The following SYNDIG1L variants were observed in gnomAD, a reference collection of about 807,000 sequenced individuals.
The protein encoded by SYNDIG1L is synapse differentiation-inducing gene protein 1-like.
A neutral mutation model predicts 20.1 loss-of-function variants in SYNDIG1L; 13 were observed. That is an observed-to-expected ratio of 0.65 (90% CI 0.42 to 1.03). The LOEUF is 1.03. Among genes scored for constraint, SYNDIG1L ranks in the 50% least tolerant of loss-of-function variants. The pLI is 0.00. For synonymous variants in SYNDIG1L, 128 were observed against 129.3 expected (o/e 0.99, Z 0.07); for missense variants, 294 against 305.1 (o/e 0.96, Z 0.27).
At chr14:74,469,300 C>T in the SYNDIG1L span, among the ~76,000 whole-genome samples, 1 of 141,186 alleles carries the variant, frequency 7.1e-6, no homozygotes, top group Non-Finnish European at 1.5e-5. Context: ...TGTTCTCACT[C>T]ATAGGTGGGA....
the SYNDIG1L span, chr14:74,471,831 A>G: frequency 1.3e-5 from 2 of 152,266 alleles, no homozygotes; most frequent in Admixed American, 1.3e-4. Flanking sequence ...CAAAACTTCA[A>G]TTCATACAGG....
the SYNDIG1L span, among the ~76,000 whole-genome samples, chr14:74,468,423 C>T: frequency 2.0e-5 from 3 of 151,918 alleles, no homozygotes; most frequent in African/African-American, 4.8e-5. Context: ...GGGCCTCTGT[C>T]TCTCCCTCAT....
intron 1 of SYNDIG1L, among the ~76,000 whole-genome samples, chr14:74,423,259 C>T (rs961286356): frequency 2.0e-5 from 3 of 152,202 alleles, no homozygotes; most frequent in African/African-American, 7.2e-5. Flanking sequence ...GCCCTGCACC[C>T]TGACAGCTCT....
chr14:74,448,837 G>C, the SYNDIG1L span, among the ~76,000 whole-genome samples: 2 of 152,180 alleles, frequency 1.3e-5, no homozygotes, highest in Non-Finnish European at 2.9e-5. Flanking sequence ...GAGAGGCTGA[G>C]GCAGGAGGAT....
At chr14:74,425,405 G>A (rs1488697196) in intron 1 of SYNDIG1L, among the ~76,000 whole-genome samples, 1 of 152,238 alleles carries the variant, frequency 6.6e-6, no homozygotes, top group Non-Finnish European at 1.5e-5. Flanking sequence ...TCCATCCTAA[G>A]GGGCCTTGGC....
the SYNDIG1L span, among the ~76,000 whole-genome samples, chr14:74,440,983 A>T: frequency 6.6e-6 from 1 of 152,192 alleles, no homozygotes; most frequent in South Asian, 2.1e-4. Flanking sequence ...TTTTATCTGT[A>T]AAGTGGGACT....
chr14:74,431,467 T>G, the SYNDIG1L span, among the ~76,000 whole-genome samples: 1 of 151,818 alleles, frequency 6.6e-6, no homozygotes, highest in Admixed American at 6.6e-5. Flanking sequence ...TGAAAAAGAG[T>G]CCATTTTGAC....
chr14:74,437,414 A>C, the SYNDIG1L span, among the ~76,000 whole-genome samples: 196 of 152,370 alleles, frequency 1.3e-3, 1 homozygote, highest in African/African-American at 4.1e-3. Flanking sequence ...GAAGAAGTCC[A>C]GCAGAAACTT....
the SYNDIG1L span, chr14:74,479,846 T>C: frequency 2.0e-5 from 9 of 455,010 alleles, no homozygotes; most frequent in Admixed American, 4.3e-4. Flanking sequence ...AGTCATGTCT[T>C]CAGTGCACTC....
upstream of SYNDIG1L, among the ~76,000 whole-genome samples, chr14:74,428,880 G>A (rs1308899530): frequency 1.3e-5 from 2 of 152,064 alleles, no homozygotes; most frequent in African/African-American, 4.8e-5. Flanking sequence ...GATTGGTTGT[G>A]GGGAAGGGAG....
upstream of SYNDIG1L, among the ~76,000 whole-genome samples, chr14:74,426,666 TAAC>T (rs1056298414): frequency 7.9e-4 from 120 of 152,222 alleles, 1 homozygote; most frequent in Non-Finnish European, 8.2e-4. Flanking sequence ...TTAATTTTCT[TAAC>T]AACTCTATTA....
the SYNDIG1L span, among the ~76,000 whole-genome samples, chr14:74,440,105 C>A: frequency 2.0e-5 from 3 of 151,998 alleles, no homozygotes; most frequent in African/African-American, 7.2e-5. Flanking sequence ...TCGGGCTGGG[C>A]GCGGTGGCTC....
the SYNDIG1L span, among the ~76,000 whole-genome samples, chr14:74,477,914 A>G: frequency 6.6e-6 from 1 of 152,328 alleles, no homozygotes; most frequent in East Asian, 1.9e-4. Flanking sequence ...GGCGTCTGTG[A>G]ACTGTCTGTA....
At chr14:74,470,823 A>T in the SYNDIG1L span, among the ~76,000 whole-genome samples, 1 of 152,186 alleles carries the variant, frequency 6.6e-6, no homozygotes, top group Non-Finnish European at 1.5e-5. Flanking sequence ...AGCTTTTCCA[A>T]CATCCTGCTT....
At chr14:74,463,060 C>G in the SYNDIG1L span, among the ~76,000 whole-genome samples, 1 of 152,228 alleles carries the variant, frequency 6.6e-6, no homozygotes, top group African/African-American at 2.4e-5. Context: ...TCCTTCACAG[C>G]CGGACTTCTT....
chr14:74,435,239 C>T, the SYNDIG1L span, among the ~76,000 whole-genome samples: 1 of 152,170 alleles, frequency 6.6e-6, no homozygotes, highest in African/African-American at 2.4e-5. Context: ...CCAGGGACAA[C>T]CAGGCCTATC....
At chr14:74,428,733 A>C (rs904967398), upstream of SYNDIG1L, among the ~76,000 whole-genome samples, 3 of 152,206 alleles carry the variant, frequency 2.0e-5, no homozygotes, top group Non-Finnish European at 4.4e-5. Flanking sequence ...CGGAGTGAAC[A>C]GATGAGCCTG....
At chr14:74,448,155 T>C in the SYNDIG1L span, among the ~76,000 whole-genome samples, 1 of 152,134 alleles carries the variant, frequency 6.6e-6, no homozygotes, top group Admixed American at 6.5e-5. Flanking sequence ...TAAACCTAAC[T>C]ATATCATAAT....
chr14:74,437,049 G>A, the SYNDIG1L span, among the ~76,000 whole-genome samples: 4 of 152,080 alleles, frequency 2.6e-5, no homozygotes, highest in Admixed American at 6.6e-5. Flanking sequence ...GAGGAGGTTG[G>A]GGGTGTATTT....
Sources: allele counts gnomAD v4.1 joint callset (sites outside exome capture counted in the v4.1 genomes callset), GRCh38; gene constraint gnomAD v4.1.1; transcripts MANE v1.5; gene names NCBI Gene and HGNC (gene_info 2026-07-23, HGNC 2026-07-21).